UNC5D: variants seen among roughly 807,000 people sequenced by gnomAD.
UNC5D encodes the protein netrin receptor UNC5D.
A neutral mutation model predicts 105.4 loss-of-function variants in UNC5D; 39 were observed. The observed-to-expected ratio is 0.37, with a 90% CI of 0.29 to 0.48. The LOEUF (loss-of-function observed/expected upper bound fraction) is 0.48, where lower values mean the gene tolerates loss of function less well. Ranked by LOEUF, UNC5D falls within the 20% of genes least tolerant of loss-of-function variation. The pLI, the probability that UNC5D is intolerant of heterozygous loss-of-function variation, is 0.98. For missense variants in UNC5D, 991 were observed against 1,202.4 expected, an observed-to-expected ratio of 0.82 and a Z score of 2.60; for synonymous variants, 452 against 450.4, an observed-to-expected ratio of 1.00 and a Z score of -0.04.
At position 35,549,318 on chromosome 8, in the gene UNC5D, G is replaced by C; in HGVS notation, c.130G>C (p.Glu44Gln). ...AACTGACAATGGCGAAGCCCTTCCCGAATCCATCCCATCAGCTCCTGGGAC... is the reference window on the plus strand; with the variant it reads ...AACTGACAATGGCGAAGCCCTTCCCCAATCCATCCCATCAGCTCCTGGGAC... ...RGTDNGEALP[E>Q]SIPSAPGTLP... The change falls in exon 2 of 17, where the codon GAA (glutamate) becomes CAA (glutamine). Residue 44 changes from glutamate (E) to glutamine (Q), a missense_variant. Glu to Gln is a conservative substitution (Grantham distance 29). Coordinates refer to ENST00000404895, the MANE Select transcript of UNC5D (RefSeq NM_080872.4). The C allele has an allele frequency of 6.2e-7, 1 of 1,613,244 alleles. No homozygotes were observed. The highest frequency in any genetic ancestry group is 8.5e-7 in the Non-Finnish European group (1 of 1,180,024).
At chr8:35,732,502 T>A (rs1023466145) in intron 11 of UNC5D, among the ~76,000 whole-genome samples, 1 of 152,138 alleles carries the variant, frequency 6.6e-6, no homozygotes, top group Non-Finnish European at 1.5e-5. Flanking sequence ...AAATCTTAGG[T>A]TAGTCACTTA....
At chr8:35,497,916 A>G (rs914134742) in intron 1 of UNC5D, among the ~76,000 whole-genome samples, 1 of 151,846 alleles carries the variant, frequency 6.6e-6, no homozygotes, top group Non-Finnish European at 1.5e-5. Context: ...CTAAAAATAC[A>G]AAATTAGCCA....
intron 1 of UNC5D, among the ~76,000 whole-genome samples, chr8:35,420,461 T>C (rs910020450): frequency 2.0e-5 from 3 of 152,210 alleles, no homozygotes; most frequent in African/African-American, 7.2e-5. Flanking sequence ...TGCGGTACTC[T>C]GAACTGTCTT....
At chr8:35,423,965 T>TA (rs1396408364) in intron 1 of UNC5D, among the ~76,000 whole-genome samples, 3 of 151,076 alleles carry the variant, frequency 2.0e-5, no homozygotes, top group Non-Finnish European at 3.0e-5. Context: ...TCTGGCTAAT[T>TA]AAAAAAAAAG....
At position 35,256,835 on chromosome 8, in the gene UNC5D, T is replaced by A. The variant is rs889861300; in HGVS notation, c.103+20948T>A. 4.6e-5 allele frequency among the ~76,000 whole-genome samples: 7 copies of A among 152,216 alleles called. No homozygotes were observed. In the East Asian group the frequency reaches 1.4e-3, roughly 30 times the overall value. ...ATGCCTTTTAGACCCAGCTGTAGTT[T>A]GTTTTCCAAAGTAGCTATTCCCAGC... On this transcript the variant is annotated intron_variant, in intron 1 of 16. Transcript: ENST00000404895.
At chr8:35,725,616 A>G (rs1258501484) in intron 9 of UNC5D, among the ~76,000 whole-genome samples, 3 of 151,984 alleles carry the variant, frequency 2.0e-5, no homozygotes, top group Non-Finnish European at 4.4e-5. Context: ...AGGACACATC[A>G]TTTCCTCCCC....
At chr8:35,482,793 CTTTTTTTT>C (rs5890816) in intron 1 of UNC5D, among the ~76,000 whole-genome samples, 2 of 78,134 alleles carry the variant, frequency 2.6e-5, no homozygotes, top group East Asian at 4.2e-4. Context: ...TTAAAGAGAT[CTTTTTTTT>C]TTTTTTTTTT....
At chr8:35,743,611 A>T (rs1344797250) in intron 11 of UNC5D, among the ~76,000 whole-genome samples, 3 of 151,852 alleles carry the variant, frequency 2.0e-5, no homozygotes, top group East Asian at 1.9e-4. Context: ...AATTTTTTTT[A>T]AATCTTGACA....
chr8:35,717,601 C>T (rs1828323303), intron 8 of UNC5D, among the ~76,000 whole-genome samples: 1 of 152,152 alleles, frequency 6.6e-6, no homozygotes, highest in African/African-American at 2.4e-5. Flanking sequence ...TAAAGTCGTG[C>T]TTTCTTTTAG....
chr8:35,285,785 A>C (rs1806552075), intron 1 of UNC5D, among the ~76,000 whole-genome samples: 1 of 152,146 alleles, frequency 6.6e-6, no homozygotes, highest in Admixed American at 6.5e-5. Flanking sequence ...TCCACAGATT[A>C]ATTCCCTTAT....
intron 16 of UNC5D, among the ~76,000 whole-genome samples, chr8:35,782,503 T>A (rs113599480): frequency 0.067 from 8,138 of 120,600 alleles, 480 homozygotes; most frequent in African/African-American, 0.24. Context: ...TACTCAAAAA[T>A]TTTTTTTTTT....
chr8:35,501,580 T>C (rs912073809), intron 1 of UNC5D, among the ~76,000 whole-genome samples: 43 of 152,214 alleles, frequency 2.8e-4, no homozygotes, highest in African/African-American at 9.6e-4. Context: ...AGAAGGCAGA[T>C]GTTATAAAAC....
At chr8:35,660,211 G>A (rs1221154799) in intron 4 of UNC5D, among the ~76,000 whole-genome samples, 1 of 152,146 alleles carries the variant, frequency 6.6e-6, no homozygotes, top group African/African-American at 2.4e-5. Context: ...AGGAGCATGG[G>A]GAGAACAGAG....
intron 1 of UNC5D, among the ~76,000 whole-genome samples, chr8:35,275,130 A>T (rs933911326): frequency 1.3e-5 from 2 of 149,846 alleles, no homozygotes; most frequent in African/African-American, 2.4e-5. Context: ...ATATATTTTT[A>T]TATATATATA....
At chr8:35,273,521 G>T (rs1805567220) in intron 1 of UNC5D, among the ~76,000 whole-genome samples, 1 of 152,198 alleles carries the variant, frequency 6.6e-6, no homozygotes, top group African/African-American at 2.4e-5. Context: ...TTCCCTCTGT[G>T]TAAGTCAATC....
At chr8:35,783,434 C>T (rs547138073) in intron 16 of UNC5D, among the ~76,000 whole-genome samples, 133 of 152,212 alleles carry the variant, frequency 8.7e-4, no homozygotes, top group African/African-American at 3.1e-3. Context: ...GTAGACTGTC[C>T]TCCTGGTACC....
intron 4 of UNC5D, among the ~76,000 whole-genome samples, chr8:35,613,206 T>C (rs567782690): frequency 6.6e-6 from 1 of 152,240 alleles, no homozygotes; most frequent in South Asian, 2.1e-4. Context: ...GCCTCCTGAG[T>C]AGTTAGGACC....
At chr8:35,305,589 C>CTTTCTTTCA (rs1808298730) in intron 1 of UNC5D, among the ~76,000 whole-genome samples, 1 of 61,610 alleles carries the variant, frequency 1.6e-5, no homozygotes, top group Non-Finnish European at 3.3e-5. Flanking sequence ...TTCTTTCTTT[C>CTTTCTTTCA]TTTCTTTCTT....
chr8:35,703,484 G>A (rs1281273907), intron 7 of UNC5D, among the ~76,000 whole-genome samples: 3 of 152,156 alleles, frequency 2.0e-5, no homozygotes, highest in Non-Finnish European at 4.4e-5. Context: ...TAGGTTAGAG[G>A]GGGAAGTGCC....
Sources: allele counts gnomAD v4.1 joint callset (sites outside exome capture counted in the v4.1 genomes callset), GRCh38; gene constraint gnomAD v4.1.1; transcripts MANE v1.5; gene names NCBI Gene and HGNC (gene_info 2026-07-23, HGNC 2026-07-21).